ATOSA: variants seen among roughly 807,000 people sequenced by gnomAD.
ATOSA encodes the protein atos homolog A, also known as atos homolog protein A.
At chr15:52,699,394 A>T in the ATOSA span, among the ~76,000 whole-genome samples, 10 of 152,008 alleles carry the variant, frequency 6.6e-5, no homozygotes, top group East Asian at 1.9e-3. Context: ...TAAAGTATAT[A>T]TGGTCATCCT....
the ATOSA span, chr15:52,610,448 T>C: frequency 6.8e-7 from 1 of 1,471,272 alleles, no homozygotes; most frequent in Non-Finnish European, 9.1e-7. Context: ...TTATTGTATA[T>C]TATTTTAAAT....
At chr15:52,634,064 C>G in the ATOSA span, among the ~76,000 whole-genome samples, 2 of 151,782 alleles carry the variant, frequency 1.3e-5, no homozygotes, top group Non-Finnish European at 2.9e-5. Context: ...CAAAACAAAA[C>G]CCAAGAGGTA....
chr15:52,626,553 G>C, the ATOSA span, among the ~76,000 whole-genome samples: 2 of 150,184 alleles, frequency 1.3e-5, no homozygotes, highest in Admixed American at 1.3e-4. Flanking sequence ...GAGAGCGAGA[G>C]AATGGCCAAG....
chr15:52,629,489 G>C, the ATOSA span, among the ~76,000 whole-genome samples: 2 of 150,576 alleles, frequency 1.3e-5, 1 homozygote, highest in Middle Eastern at 6.4e-3. Flanking sequence ...AAAATCCTCA[G>C]TGGAGGTAAG....
At chr15:52,592,175 A>G in the ATOSA span, among the ~76,000 whole-genome samples, 2,162 of 152,236 alleles carry the variant, frequency 0.014, 48 homozygotes, top group African/African-American at 0.05. Flanking sequence ...AGTCATTGTT[A>G]CTAATGTCCT....
At chr15:52,707,962 C>G in the ATOSA span, among the ~76,000 whole-genome samples, 1 of 152,166 alleles carries the variant, frequency 6.6e-6, no homozygotes, top group Admixed American at 6.5e-5. Flanking sequence ...ATCCCAGTCT[C>G]AAATCCACAC....
chr15:52,683,986 T>C, the ATOSA span, among the ~76,000 whole-genome samples: 1 of 152,200 alleles, frequency 6.6e-6, no homozygotes, highest in Non-Finnish European at 1.5e-5. Context: ...TGAACACATA[T>C]TTATGATCTT....
At chr15:52,601,204 AC>A in the ATOSA span, 1 of 1,325,872 alleles carries the variant, frequency 7.5e-7, no homozygotes, top group Non-Finnish European at 1.0e-6. Flanking sequence ...TAAAAAAAAA[AC>A]TGTTAATTTT....
chr15:52,684,056 C>T, the ATOSA span, among the ~76,000 whole-genome samples: 15 of 152,286 alleles, frequency 9.8e-5, no homozygotes, highest in African/African-American at 3.4e-4. Context: ...ATTCTTTTGT[C>T]TTTCCTTATT....
At chr15:52,650,948 A>G in the ATOSA span, among the ~76,000 whole-genome samples, 20 of 152,242 alleles carry the variant, frequency 1.3e-4, no homozygotes, top group African/African-American at 4.6e-4. Flanking sequence ...GAAAGATACA[A>G]AAAGACCTTT....
chr15:52,659,389 T>C, the ATOSA span, among the ~76,000 whole-genome samples: 1 of 152,258 alleles, frequency 6.6e-6, no homozygotes, highest in Non-Finnish European at 1.5e-5. Flanking sequence ...AATATGACTA[T>C]ATAATCACAA....
the ATOSA span, chr15:52,584,891 A>G: frequency 6.2e-7 from 1 of 1,613,316 alleles, no homozygotes; most frequent in Non-Finnish European, 8.5e-7. Context: ...TATCTCGTAA[A>G]TCATATATCA....
the ATOSA span, chr15:52,608,754 A>G: frequency 9.9e-6 from 16 of 1,609,018 alleles, no homozygotes; most frequent in East Asian, 2.9e-4. Context: ...CTATGCTATT[A>G]AGTTGAGTAT....
chr15:52,645,100 G>C, the ATOSA span, among the ~76,000 whole-genome samples: 11 of 152,218 alleles, frequency 7.2e-5, no homozygotes, highest in South Asian at 2.1e-4. Context: ...TTCTAGTAGG[G>C]GGCAGTCGTA....
chr15:52,584,768 T>A, the ATOSA span: 5 of 1,613,702 alleles, frequency 3.1e-6, 1 homozygote, highest in Middle Eastern at 8.3e-4. Flanking sequence ...GGTAGCGTAA[T>A]AACCGTTCTT....
the ATOSA span, among the ~76,000 whole-genome samples, chr15:52,652,947 T>C: frequency 6.6e-6 from 1 of 152,208 alleles, no homozygotes. Context: ...ATGAAGGTAG[T>C]AGGGGATGAA....
At chr15:52,592,782 G>A in the ATOSA span, among the ~76,000 whole-genome samples, 1 of 152,232 alleles carries the variant, frequency 6.6e-6, no homozygotes, top group Non-Finnish European at 1.5e-5. Context: ...CAAGCTTGCT[G>A]TAACTCCTCT....
the ATOSA span, among the ~76,000 whole-genome samples, chr15:52,594,080 A>G: frequency 4.6e-3 from 705 of 152,362 alleles, 8 homozygotes; most frequent in African/African-American, 0.016. Flanking sequence ...ATTTAAAAAT[A>G]TGCTCTATCA....
At chr15:52,608,573 C>G in the ATOSA span, 1 of 1,568,258 alleles carries the variant, frequency 6.4e-7, no homozygotes, top group Non-Finnish European at 8.6e-7. Context: ...CTTACCAATA[C>G]CTCTGTATTT....
Sources: allele counts gnomAD v4.1 joint callset (sites outside exome capture counted in the v4.1 genomes callset), GRCh38; gene constraint gnomAD v4.1.1; transcripts MANE v1.5; gene names NCBI Gene and HGNC (gene_info 2026-07-23, HGNC 2026-07-21).